HYDIN: variants seen among roughly 807,000 people sequenced by gnomAD.
HYDIN encodes the protein axonemal central pair apparatus protein HYDIN.
HYDIN carries 132 observed loss-of-function variants against 403.9 expected under a neutral mutation model. The ratio of observed to expected loss-of-function variants is 0.33; its 90% CI spans 0.28 to 0.38. HYDIN has a LOEUF of 0.38. HYDIN is among the 10% of genes least tolerant of loss of function. HYDIN has a pLI of 1.00. For synonymous variants in HYDIN, 1,202 were observed against 1,891.7 expected (o/e 0.64, Z 9.46); for missense variants, 2,827 against 5,009.5 (o/e 0.56, Z 13.15).
intron 84 of HYDIN, among the ~76,000 whole-genome samples, chr16:70,811,607 C>T (rs2035507076): frequency 6.7e-6 from 1 of 149,604 alleles, no homozygotes; most frequent in Non-Finnish European, 1.5e-5. Flanking sequence ...TAAAAACAGA[C>T]CTCACTTTGG....
intron 1 of HYDIN, among the ~76,000 whole-genome samples, chr16:71,209,016 G>C (rs2088443645): frequency 6.6e-6 from 1 of 151,994 alleles, no homozygotes; most frequent in Admixed American, 6.6e-5. Flanking sequence ...AACAATTGAA[G>C]GGGAGGGAGT....
At chr16:71,185,446 T>G (rs777786064) in intron 2 of HYDIN, among the ~76,000 whole-genome samples, 1 of 152,192 alleles carries the variant, frequency 6.6e-6, no homozygotes, top group African/African-American at 2.4e-5. Flanking sequence ...TGTTTAACTA[T>G]GATATGATGT....
chr16:71,185,213 C>T (rs974512696), intron 2 of HYDIN, among the ~76,000 whole-genome samples: 47 of 152,162 alleles, frequency 3.1e-4, no homozygotes, highest in African/African-American at 1.1e-3. Flanking sequence ...CATGTGTTTG[C>T]TGTTTCCTTA....
intron 1 of HYDIN, 130 bp downstream of exon 1, chr16:71,230,432 G>A: frequency 9.2e-7 from 1 of 1,089,288 alleles, no homozygotes; most frequent in Non-Finnish European, 1.3e-6. Context: ...GGCTGAGGAG[G>A]GGAGGGGTCT....
intron 11 of HYDIN, 56 bp downstream of exon 11, chr16:71,093,761 C>T (rs2083188018): frequency 1.9e-6 from 3 of 1,577,268 alleles, no homozygotes; most frequent in Admixed American, 1.8e-5. Context: ...TAAGATAAAA[C>T]AAACCCCAAA....
chr16:71,069,345 T>A lies in HYDIN; in HGVS notation c.1896A>T (p.Ile632=). The part of the protein sequence containing the change: ...YKRPSWTKEE[I]SSMKPKEFTI... Reference sequence around the variant, plus strand: ...TGAATTCTTTTGGTTTCATTGAGGATATTTCTTCCTTGGTCCAAGATGGTC... The same window carrying A: ...TGAATTCTTTTGGTTTCATTGAGGAAATTTCTTCCTTGGTCCAAGATGGTC... Residue 632 remains isoleucine, a synonymous_variant, in exon 14 of 86, where the codon ATA becomes ATT. Coordinates refer to ENST00000393567, the MANE Select transcript of HYDIN (RefSeq NM_001270974.2). 1.2e-6 allele frequency: 2 copies of A among 1,614,102 alleles called. No individual in the cohort carries two copies. The highest frequency in any genetic ancestry group is 1.7e-6 in the Non-Finnish European group (2 of 1,180,020).
intron 30 of HYDIN, among the ~76,000 whole-genome samples, chr16:70,977,868 C>T (rs375502706): frequency 3.9e-5 from 6 of 151,920 alleles, no homozygotes; most frequent in Non-Finnish European, 7.4e-5. Context: ...CCCTCTCCCC[C>T]ACTCAGATGC....
chr16:70,909,738 C>T (rs1567812685), intron 47 of HYDIN, among the ~76,000 whole-genome samples: 1 of 139,288 alleles, frequency 7.2e-6, no homozygotes, highest in African/African-American at 2.7e-5. Flanking sequence ...CTTTGTCGCC[C>T]AGGCTGCAGT....
chr16:70,812,112 G>A (rs1422901165), intron 84 of HYDIN, among the ~76,000 whole-genome samples: 1 of 94,166 alleles, frequency 1.1e-5, no homozygotes. Flanking sequence ...AACAATAATA[G>A]GAGAAAGAAA....
intron 60 of HYDIN, among the ~76,000 whole-genome samples, chr16:70,881,622 A>T (rs1199200952): frequency 1.3e-5 from 2 of 149,004 alleles, no homozygotes; most frequent in Non-Finnish European, 1.5e-5. Context: ...AAAAAAAAAA[A>T]ACTCAGAGAA....
chr16:71,030,543 C>T (rs1176994025), intron 19 of HYDIN, among the ~76,000 whole-genome samples: 1 of 151,638 alleles, frequency 6.6e-6, no homozygotes, highest in Admixed American at 6.6e-5. Flanking sequence ...AGTGATTCTC[C>T]CACCTCAGCC....
In HYDIN at chr16:70,884,066, C is replaced by A. The variant is rs2040976276; in HGVS notation, c.9833G>T (p.Gly3278Val). 1 of 1,612,874 alleles carries A rather than the reference C, an allele frequency of 6.2e-7. No individual in the cohort carries two copies. The highest frequency in any genetic ancestry group is 1.7e-5 in the Admixed American group (1 of 59,876). The stretch of plus-strand genomic sequence containing the variant: ...GTCAACGTTGATGACCTGCTGTCCT[C>A]CGGAAGGAATGGAGCCAAACCCAGG... ...VYPGFGSIPS[G>V]GQQVINVDCV... The change falls in exon 59 of 86, where the codon GGA becomes GTA. Residue 3278 changes from glycine (G) to valine (V), a missense_variant. By Grantham distance (109) the Gly-to-Val change is moderately radical (BLOSUM62 -3). Transcript: ENST00000393567.
intron 10 of HYDIN, among the ~76,000 whole-genome samples, chr16:71,098,359 G>A (rs1344389248): frequency 1.3e-5 from 2 of 151,658 alleles, no homozygotes; most frequent in Admixed American, 6.6e-5. Flanking sequence ...CCGCCACCAC[G>A]CCCGGCTAAT....
chr16:71,004,679 A>C (rs1432869847), intron 23 of HYDIN, among the ~76,000 whole-genome samples: 1 of 152,198 alleles, frequency 6.6e-6, no homozygotes, highest in Non-Finnish European at 1.5e-5. Flanking sequence ...ATGGCCTGAA[A>C]TCTTTATGTC....
In HYDIN at chr16:71,230,642, C is replaced by T. The variant is rs1022676052; in HGVS notation, c.-104G>A. 6 of 1,535,966 alleles carry T rather than the reference C, an allele frequency of 3.9e-6. No individual in the cohort carries two copies. In the African/African-American group the frequency reaches 6.8e-5, roughly 18 times the overall value. ...GCGTCCAACTCACAGACCCCGCCGC[C>T]GCTGAGGGGCTCCATACCCAGCTTG... On this transcript the variant is annotated 5_prime_UTR_variant, in exon 1 of 86. Coordinates refer to ENST00000393567, the MANE Select transcript of HYDIN (RefSeq NM_001270974.2).
intron 18 of HYDIN, among the ~76,000 whole-genome samples, chr16:71,044,748 T>A (rs2081398683): frequency 1.4e-5 from 2 of 140,572 alleles, no homozygotes; most frequent in Admixed American, 1.4e-4. Context: ...AATTTACTTT[T>A]TATTTCATTG....
intron 4 of HYDIN, among the ~76,000 whole-genome samples, chr16:71,177,207 G>A (rs941781465): frequency 2.0e-5 from 3 of 152,176 alleles, no homozygotes; most frequent in African/African-American, 7.2e-5. Flanking sequence ...ACCCCGACTT[G>A]CTATTAAACA....
chr16:70,971,422 T>C (rs1230170360), intron 35 of HYDIN, among the ~76,000 whole-genome samples: 1 of 152,150 alleles, frequency 6.6e-6, no homozygotes, highest in Admixed American at 6.5e-5. Context: ...AAATCTACAT[T>C]GCATCCCATA....
chr16:70,905,282 A>G lies in HYDIN; in HGVS notation c.8517-1218T>C, dbSNP rs562735439. ...AGGCTCCAGGTGCGTTACCCAGTTC[A>G]GTCCTCACGAATTTGTTGCTTTCCC... is the stretch of plus-strand genomic sequence containing the variant. On this transcript the variant is annotated intron_variant, in intron 50 of 85. Transcript: ENST00000393567. Among the ~76,000 whole-genome samples the G allele has an allele frequency of 5.9e-5, 9 of 151,932 alleles. No homozygotes were observed. The East Asian group carries it at 1.8e-3, about 30-fold the overall frequency.
Sources: gnomAD v4.1 joint callset for allele counts (sites outside exome capture counted in the v4.1 genomes callset) on GRCh38, gnomAD v4.1.1 for gene constraint, MANE v1.5 for transcripts, NCBI Gene and HGNC (gene_info 2026-07-23, HGNC 2026-07-21) for gene names.